The following SIMC1 variants were observed in gnomAD, a reference collection of about 807,000 sequenced individuals.
SIMC1 encodes SUMO interacting motifs containing 1.
SIMC1 carries 55 observed loss-of-function variants against 82.3 expected under a neutral mutation model. The observed-to-expected ratio is 0.67, with a 90% CI of 0.54 to 0.84. The LOEUF is 0.84. SIMC1 is among the 40% of genes least tolerant of loss of function. The pLI, the probability that SIMC1 is intolerant of heterozygous loss-of-function variation, is 0.00. For synonymous variants in SIMC1, 353 were observed against 426.3 expected, an observed-to-expected ratio of 0.83 and a Z score of 2.12; for missense variants, 915 against 1,107.2, an observed-to-expected ratio of 0.83 and a Z score of 2.46.
chr5:176,254,441 C>T (rs1250369222), intron 1 of SIMC1, among the ~76,000 whole-genome samples: 1 of 151,262 alleles, frequency 6.6e-6, no homozygotes, highest in East Asian at 1.9e-4. Context: ...TGTGACTCAT[C>T]ATCAGCCATG....
intron 5 of SIMC1, 115 bp from the exon 6 acceptor site, chr5:176,322,158 G>A: frequency 8.1e-7 from 1 of 1,237,346 alleles, no homozygotes; most frequent in Non-Finnish European, 1.1e-6. Context: ...CCAGGTTAAG[G>A]CTATAGTTCT....
intron 4 of SIMC1, among the ~76,000 whole-genome samples, chr5:176,311,613 A>G (rs1764668014): frequency 6.6e-6 from 1 of 152,098 alleles, no homozygotes; most frequent in African/African-American, 2.4e-5. Context: ...ATTCAGCACT[A>G]TTCTTGAGTT....
At chr5:176,345,124 T>C (rs1224775101) in intron 9 of SIMC1, 59 bp from the exon 10 acceptor site, 4 of 1,552,454 alleles carry the variant, frequency 2.6e-6, no homozygotes, top group Non-Finnish European at 3.5e-6. Flanking sequence ...AAATTAGACT[T>C]CTTAAAAAGA....
chr5:176,328,594 C>T (rs1193145977), intron 7 of SIMC1, among the ~76,000 whole-genome samples: 2 of 151,970 alleles, frequency 1.3e-5, no homozygotes, highest in African/African-American at 4.8e-5. Flanking sequence ...ATACAAATAA[C>T]TCTCACAAGT....
intron 2 of SIMC1, among the ~76,000 whole-genome samples, chr5:176,291,846 G>A (rs186840399): frequency 4.3e-4 from 65 of 152,284 alleles, no homozygotes; most frequent in Admixed American, 4.2e-3. Flanking sequence ...ACCTCACAGG[G>A]TCATACGTGA....
chr5:176,317,352 T>TACA (rs567743558), intron 5 of SIMC1, among the ~76,000 whole-genome samples: 34 of 152,360 alleles, frequency 2.2e-4, no homozygotes, highest in African/African-American at 8.2e-4. Context: ...GACTAGTTTC[T>TACA]ACAAGACTTC....
rs535666048 is a variant in SIMC1, at chr5:176,307,816, C to T, written c.1735-5875C>T. 2.0e-5 allele frequency among the ~76,000 whole-genome samples: 3 copies of T among 152,262 alleles called. No individual in the cohort carries two copies. The South Asian group carries it at 6.2e-4, about 32-fold the overall frequency. ...GATGAGAATATAAATAGTACAGGCACTCTGGAAAATGGTTTGACAGTTTCT... is the reference window on the plus strand; with the variant it reads ...GATGAGAATATAAATAGTACAGGCATTCTGGAAAATGGTTTGACAGTTTCT... On this transcript the variant is annotated intron_variant, in intron 4 of 9. Transcript: ENST00000429602.
In SIMC1 at chr5:176,288,745, C is replaced by T. The variant is rs1240394270; in HGVS notation, c.130-909C>T. On this transcript the variant is annotated intron_variant, in intron 1 of 9. Transcript: ENST00000429602. The stretch of plus-strand genomic sequence containing the variant: ...TCTATTAAGAGAAATAGCATGGTAG[C>T]TGTGATAGCAGCAATAGTATTGCTA... Among the ~76,000 whole-genome samples the T allele has an allele frequency of 2.0e-5, 3 of 152,166 alleles. No homozygotes were observed. In the East Asian group the frequency reaches 5.8e-4, roughly 29 times the overall value.
At chr5:176,276,491 C>G (rs1395336547) in intron 1 of SIMC1, among the ~76,000 whole-genome samples, 1 of 149,686 alleles carries the variant, frequency 6.7e-6, no homozygotes, top group African/African-American at 2.5e-5. Flanking sequence ...TACATGTGCA[C>G]ATTGTGCAGG....
intron 1 of SIMC1, among the ~76,000 whole-genome samples, chr5:176,272,225 G>C (rs1403707614): frequency 1.4e-5 from 2 of 142,938 alleles, no homozygotes; most frequent in African/African-American, 5.2e-5. Flanking sequence ...CGCACCTGCA[G>C]TCCCTGCTAC....
intron 4 of SIMC1, chr5:176,313,206 GC>G (rs1378914724): frequency 9.3e-7 from 1 of 1,080,536 alleles, no homozygotes; most frequent in Non-Finnish European, 1.2e-6. Context: ...GGACATCATG[GC>G]GGTTTGATCT....
intron 9 of SIMC1, among the ~76,000 whole-genome samples, chr5:176,338,374 G>A (rs1303781686): frequency 6.6e-6 from 1 of 152,138 alleles, no homozygotes; most frequent in Non-Finnish European, 1.5e-5. Context: ...CAGAAAGAAA[G>A]AACAGCATGT....
At chr5:176,305,105 C>T (rs1318217813) in intron 4 of SIMC1, among the ~76,000 whole-genome samples, 1 of 147,670 alleles carries the variant, frequency 6.8e-6, no homozygotes, top group Non-Finnish European at 1.5e-5. Context: ...GGGGGGTCAG[C>T]CCCGACGCCC....
intron 7 of SIMC1, among the ~76,000 whole-genome samples, chr5:176,328,408 G>C (rs1305347798): frequency 6.6e-6 from 1 of 151,998 alleles, no homozygotes; most frequent in Non-Finnish European, 1.5e-5. Context: ...AAGGAGAAAA[G>C]GTACTGGGCT....
At chr5:176,288,796 G>T (rs1752065147) in intron 1 of SIMC1, among the ~76,000 whole-genome samples, 1 of 152,198 alleles carries the variant, frequency 6.6e-6, no homozygotes, top group African/African-American at 2.4e-5. Context: ...AGTACCAGTG[G>T]CAGTAGTATC....
At chr5:176,273,006 C>A (rs1762514203) in intron 1 of SIMC1, among the ~76,000 whole-genome samples, 1 of 152,220 alleles carries the variant, frequency 6.6e-6, no homozygotes, top group African/African-American at 2.4e-5. Flanking sequence ...CTTCTAGGGG[C>A]AGGGCATAGC....
intron 7 of SIMC1, among the ~76,000 whole-genome samples, chr5:176,333,640 G>A (rs1765765895): frequency 6.6e-6 from 1 of 152,152 alleles, no homozygotes; most frequent in Non-Finnish European, 1.5e-5. Flanking sequence ...GTGTTGGCCA[G>A]GCTGGTCTTG....
intron 1 of SIMC1, among the ~76,000 whole-genome samples, chr5:176,250,717 G>A (rs895235574): frequency 1.3e-5 from 2 of 152,136 alleles, no homozygotes; most frequent in African/African-American, 4.8e-5. Flanking sequence ...ATTATGTAAT[G>A]GCCTTCTTTG....
rs150543945 is a variant in SIMC1 at position 176,288,584 on chromosome 5, G to A, written c.130-1070G>A. On this transcript the variant is annotated intron_variant, in intron 1 of 9. Transcript: ENST00000429602. ...CATTGAGAGCCAAGCCACCAAAGGT[G>A]GTGATACTATATGGCTGCTTCCTAA... Among the ~76,000 whole-genome samples the A allele has an allele frequency of 2.9e-3, 436 of 152,274 alleles. 1 individual carries two copies. The highest frequency in any genetic ancestry group is 0.01 in the Middle Eastern group (3 of 294).
Sources: gnomAD v4.1 joint callset for allele counts (sites outside exome capture counted in the v4.1 genomes callset) on GRCh38, gnomAD v4.1.1 for gene constraint, MANE v1.5 for transcripts, NCBI Gene and HGNC (gene_info 2026-07-23, HGNC 2026-07-21) for gene names.